Variants in PRMT7 observed in about 807,000 individuals in gnomAD.
PRMT7 encodes protein arginine methyltransferase 7.
In PRMT7, 75 loss-of-function variants were observed where a neutral mutation model predicts 85.4. That is an observed-to-expected ratio of 0.88 (90% CI 0.73 to 1.06). The LOEUF (loss-of-function observed/expected upper bound fraction) is 1.06, where lower values mean the gene tolerates loss of function less well. PRMT7 is among the 50% of genes least tolerant of loss of function. The probability of loss-of-function intolerance (pLI) is 0.00; values close to 1 mark genes in which losing one functional copy is unlikely to be tolerated. For synonymous variants in PRMT7, 397 were observed against 359.5 expected, an observed-to-expected ratio of 1.10 and a Z score of -1.18; for missense variants, 868 against 915.2, an observed-to-expected ratio of 0.95 and a Z score of 0.67.
intron 6 of PRMT7, 80 bp downstream of exon 6, chr16:68,329,254 A>G (rs2083515630): frequency 5.6e-6 from 6 of 1,073,590 alleles, no homozygotes; most frequent in South Asian, 4.0e-5. Context: ...GTTACCTGGA[A>G]CAAATCCAGG....
chr16:68,311,405 G>T, intron 1 of PRMT7: 1 of 254,750 alleles, frequency 3.9e-6, no homozygotes, highest in Non-Finnish European at 7.9e-6. Flanking sequence ...TGGGCCACGA[G>T]TTCTCTGATT....
intron 3 of PRMT7, among the ~76,000 whole-genome samples, chr16:68,316,325 G>T (rs1380706351): frequency 6.6e-6 from 1 of 152,130 alleles, no homozygotes; most frequent in African/African-American, 2.4e-5. Flanking sequence ...ACGGAGCAAA[G>T]AAAACCCAAG....
chr16:68,311,110 G>T lies in PRMT7; in HGVS notation c.-219+11G>T. ...GGTTTCCCGCGGCGGGTGAGGCGCT[G>T]GGTATGCTGGGAAGGTGGGGTCGCT... On this transcript the variant is annotated intron_variant, in intron 1 of 18. Coordinates refer to ENST00000441236, the MANE Select transcript of PRMT7 (RefSeq NM_019023.5). 1 of 695,674 alleles carries T rather than the reference G, an allele frequency of 1.4e-6. No individual in the cohort carries two copies. The allele number at this position is 695,674 out of a possible 1,614,324, so 43.1% of individuals were successfully genotyped here. A position where few individuals can be genotyped will look rare whatever the true frequency, so the allele number is the denominator to read the frequency against.
chr16:68,352,234 C>G lies in PRMT7; in HGVS notation c.1414-14C>G, dbSNP rs778020649. ...CTACTGACACCTGGGCCCTGCTTCT[C>G]GCCCATTCACCAGGTCTCTCTCCTC... On this transcript the variant is annotated splice_polypyrimidine_tract_variant and intron_variant, in intron 14 of 18. Transcript: ENST00000441236. 1 of 1,611,536 alleles carries G rather than the reference C, an allele frequency of 6.2e-7. No homozygotes were observed. Among genetic ancestry groups the G allele is most frequent in the Non-Finnish European group, 8.5e-7 (1 of 1,179,350 alleles).
At chr16:68,350,868 G>T (rs1468237061) in intron 14 of PRMT7, among the ~76,000 whole-genome samples, 1 of 152,188 alleles carries the variant, frequency 6.6e-6, no homozygotes, top group Non-Finnish European at 1.5e-5. Context: ...ATGTTTTCGG[G>T]CTCATCCATG....
At chr16:68,313,117 G>T (rs1229165021) in intron 2 of PRMT7, among the ~76,000 whole-genome samples, 1 of 152,218 alleles carries the variant, frequency 6.6e-6, no homozygotes, top group Non-Finnish European at 1.5e-5. Context: ...GAGTCACCGT[G>T]CCTGGGCTGT....
At chr16:68,347,359 G>T in intron 12 of PRMT7, 65 bp downstream of exon 12, 1 of 1,441,194 alleles carries the variant, frequency 6.9e-7, no homozygotes. Flanking sequence ...TGCGTGGTCC[G>T]GGTGCACAAT....
At chr16:68,337,617 G>C in intron 7 of PRMT7, 46 bp downstream of exon 7, 2 of 1,326,788 alleles carry the variant, frequency 1.5e-6, no homozygotes, top group Non-Finnish European at 2.1e-6. Context: ...GTCTCAGCCA[G>C]CTCACATAGC....
chr16:68,343,218 G>T (rs2085810754), intron 9 of PRMT7, among the ~76,000 whole-genome samples: 1 of 150,014 alleles, frequency 6.7e-6, no homozygotes, highest in Non-Finnish European at 1.5e-5. Flanking sequence ...AAAAAAAAAA[G>T]TTAGTACTTT....
chr16:68,350,661 G>T (rs550447868), intron 14 of PRMT7, among the ~76,000 whole-genome samples: 1 of 152,294 alleles, frequency 6.6e-6, no homozygotes, highest in Admixed American at 6.5e-5. Context: ...TATTCATAAG[G>T]TTGTGTAACC....
rs369594073 is a variant in PRMT7, at chr16:68,355,719, G to T, written c.1651-4G>T. 4 of 1,577,666 alleles carry T rather than the reference G, an allele frequency of 2.5e-6. No individual in the cohort carries two copies. Among genetic ancestry groups the T allele is most frequent in the Non-Finnish European group, 3.5e-6 (4 of 1,158,452 alleles). On this transcript the variant is annotated splice_region_variant and splice_polypyrimidine_tract_variant and intron_variant, in intron 16 of 18. Transcript: ENST00000441236. ...GCAGCCCCCAGGCCCCCTTCTGTTCGCAGCGTGCCCTGGACTTCAGGGAGA... is the reference window on the plus strand; with the variant it reads ...GCAGCCCCCAGGCCCCCTTCTGTTCTCAGCGTGCCCTGGACTTCAGGGAGA...
intron 10 of PRMT7, 123 bp from the exon 11 acceptor site, chr16:68,346,022 G>A: frequency 6.8e-7 from 1 of 1,463,738 alleles, no homozygotes; most frequent in Non-Finnish European, 9.3e-7. Context: ...CGTAGGAAAA[G>A]TCTGGAATTA....
Position 68,347,647 on chromosome 16 carries a change from G to C in PRMT7, c.1292G>C (p.Ser431Thr), listed in dbSNP as rs1262142351. Residue 431 changes from serine to threonine, a missense_variant, in exon 13 of 19, where the codon AGT becomes ACT. By Grantham distance (58) the Ser-to-Thr change is moderately conservative (BLOSUM62 1). Coordinates refer to ENST00000441236, the MANE Select transcript of PRMT7 (RefSeq NM_019023.5). ...LGVEQVFTVE[S>T]SAASHKLLRK... ...TCCCTCTAGGTGTTTACAGTCGAGA[G>C]TTCAGCAGCTTCTCACAAACTGTTG... 1.9e-6 allele frequency: 3 copies of C among 1,613,860 alleles called. No homozygotes were observed. Among genetic ancestry groups the C allele is most frequent in the Non-Finnish European group, 2.5e-6 (3 of 1,179,846 alleles).
intron 6 of PRMT7, 175 bp downstream of exon 6, chr16:68,329,349 A>G: frequency 2.0e-6 from 1 of 508,084 alleles, no homozygotes; most frequent in Non-Finnish European, 3.6e-6. Flanking sequence ...CCTGCTAGTT[A>G]AAACTAGTCA....
At position 68,329,054 on chromosome 16, in the gene PRMT7, T is replaced by C. The variant is rs1445203056; in HGVS notation, c.283-12T>C. 2 of 1,578,892 alleles carry C rather than the reference T, an allele frequency of 1.3e-6. No homozygotes were observed. Among genetic ancestry groups the C allele is most frequent in the Admixed American group, 1.7e-5 (1 of 59,914 alleles). On this transcript the variant is annotated splice_polypyrimidine_tract_variant and intron_variant, in intron 5 of 18. Transcript: ENST00000441236. ...TGCTCATTTTTCCTTGGGTTTCGGC[T>C]CTATTTTCTAGGTTTTCAAGCCTAT...
At chr16:68,311,867 C>T (rs2043789792) in intron 1 of PRMT7, 175 bp from the exon 2 acceptor site, 1 of 152,158 alleles carries the variant, frequency 6.6e-6, no homozygotes, top group Non-Finnish European at 1.5e-5. Flanking sequence ...CTACAACGCT[C>T]TGTGTATTTC....
In PRMT7 at chr16:68,356,808, C is replaced by T. The variant is rs375530147; in HGVS notation, c.1908+11C>T. 760 of 1,597,390 alleles carry T rather than the reference C, an allele frequency of 4.8e-4. 2 individuals are homozygous for T. The Middle Eastern group carries it at 6.3e-3, about 13-fold the overall frequency. On this transcript the variant is annotated intron_variant, in intron 18 of 18. Transcript: ENST00000441236. ...CCTGCAGACCCCGAGGTAGTGCCTG[C>T]GCACCGGGCCCAGTGTGCGTGCAGA...
intron 3 of PRMT7, among the ~76,000 whole-genome samples, chr16:68,318,357 G>A (rs1406034966): frequency 6.6e-6 from 1 of 151,464 alleles, no homozygotes; most frequent in African/African-American, 2.4e-5. Context: ...CCGCTGCCAC[G>A]CCCGGCTAAT....
rs768390543 is a variant in PRMT7, at chr16:68,339,463, G to A, written c.646G>A (p.Val216Met). The change falls in exon 8 of 19, where the codon GTG becomes ATG. Residue 216 changes from valine (V) to methionine (M), a missense_variant. Transcript: ENST00000441236. ...GCAGGTCATCGTCCCTCCCGTTGAC[G>A]TGGAGAGCTGCCCTGGCGCACCCTC... Reference protein sequence around the residue: ...GEQVIVPPVDVESCPGAPSVC... With the variant: ...GEQVIVPPVDMESCPGAPSVC... 7.4e-6 allele frequency: 12 copies of A among 1,614,206 alleles called. No homozygotes were observed. Among genetic ancestry groups the A allele is most frequent in the African/African-American group, 4.0e-5 (3 of 75,050 alleles).
Sources: gnomAD v4.1 joint callset for allele counts (sites outside exome capture counted in the v4.1 genomes callset) on GRCh38, gnomAD v4.1.1 for gene constraint, MANE v1.5 for transcripts, NCBI Gene and HGNC (gene_info 2026-07-23, HGNC 2026-07-21) for gene names.